The following HERC4 variants were observed in gnomAD, a reference collection of about 807,000 sequenced individuals.
The protein encoded by HERC4 is probable E3 ubiquitin-protein ligase HERC4.
Under a neutral mutation model 124.3 loss-of-function variants are expected in HERC4, and 28 were observed. The observed-to-expected ratio is 0.23, with a 90% CI of 0.17 to 0.31. The LOEUF is 0.31. Among genes scored for constraint, HERC4 ranks in the 10% least tolerant of loss-of-function variants. HERC4 has a pLI of 1.00. For synonymous variants in HERC4, 407 were observed against 421.5 expected (o/e 0.97, Z 0.42); for missense variants, 713 against 1,229.3 (o/e 0.58, Z 6.28).
At chr10:68,069,798 T>TG in intron 3 of HERC4, 1 of 937,386 alleles carries the variant, frequency 1.1e-6, no homozygotes, top group Non-Finnish European at 1.3e-6. Context: ...ATCCCAGCAC[T>TG]CTGGGAGGCC....
chr10:68,001,436 A>C (rs2037225666), intron 9 of HERC4, among the ~76,000 whole-genome samples: 2 of 152,120 alleles, frequency 1.3e-5, no homozygotes, highest in African/African-American at 4.8e-5. Context: ...TTATGATTAA[A>C]ATGTTAATTC....
chr10:67,959,021 C>A, intron 16 of HERC4: 1 of 1,008,934 alleles, frequency 9.9e-7, no homozygotes, highest in Non-Finnish European at 1.5e-6. Flanking sequence ...TTTTTAACCA[C>A]ACCAAAAAAA....
intron 15 of HERC4, among the ~76,000 whole-genome samples, chr10:67,984,505 T>A (rs531815453): frequency 1.8e-4 from 27 of 151,844 alleles, no homozygotes; most frequent in Middle Eastern, 6.8e-3. Flanking sequence ...GGAAGGGTAG[T>A]GGGGAGGCAG....
At position 68,059,576 on chromosome 10, in the gene HERC4, C is replaced by CA. The variant is rs2040778848; in HGVS notation, c.226+13306dup. On this transcript the variant is annotated intron_variant, in intron 3 of 24. Coordinates refer to ENST00000373700, the MANE Select transcript of HERC4 (RefSeq NM_015601.4). The stretch of plus-strand genomic sequence containing the variant: ...TAATATATATCATAATATTATATAT[C>CA]ATATTATATATCATATTATATATCA... Among the ~76,000 whole-genome samples, 2 of 65,834 alleles carry CA rather than the reference C, an allele frequency of 3.0e-5. 1 individual carries two copies. The highest frequency in any genetic ancestry group is 1.6e-3 in the East Asian group (2 of 1,252). The allele number at this position is 65,834 out of a possible 152,430, so 43.2% of individuals were successfully genotyped here.
chr10:68,074,499 C>A (rs2041715439), intron 1 of HERC4, among the ~76,000 whole-genome samples: 1 of 152,170 alleles, frequency 6.6e-6, no homozygotes, highest in Non-Finnish European at 1.5e-5. Context: ...CTTCAGCGCG[C>A]GAGGTTTAAC....
chr10:67,961,971 T>A (rs2034552356), intron 16 of HERC4, among the ~76,000 whole-genome samples: 2 of 152,308 alleles, frequency 1.3e-5, no homozygotes, highest in South Asian at 2.1e-4. Flanking sequence ...CCTTTCAGAT[T>A]ACACTCTGTT....
intron 8 of HERC4, among the ~76,000 whole-genome samples, chr10:68,020,532 C>T (rs1052425552): frequency 2.6e-5 from 4 of 151,830 alleles, no homozygotes; most frequent in African/African-American, 4.8e-5. Context: ...TTTGGGAGGC[C>T]GAGGCGGGCA....
chr10:68,065,833 GACA>G (rs1181550704), intron 3 of HERC4, among the ~76,000 whole-genome samples: 1 of 152,012 alleles, frequency 6.6e-6, no homozygotes, highest in Non-Finnish European at 1.5e-5. Context: ...GTACTCCAGT[GACA>G]ACAAGATCCT....
intron 3 of HERC4, among the ~76,000 whole-genome samples, chr10:68,067,470 G>A (rs1219272873): frequency 1.3e-5 from 2 of 152,182 alleles, no homozygotes; most frequent in African/African-American, 4.8e-5. Context: ...TGGTTTAAAT[G>A]TTCTGGTTCA....
intron 6 of HERC4, among the ~76,000 whole-genome samples, chr10:68,033,315 TTTAA>T (rs1257805144): frequency 1.3e-5 from 2 of 152,218 alleles, no homozygotes; most frequent in Admixed American, 6.5e-5. Flanking sequence ...CAAGGTATTC[TTTAA>T]TTCTTTCTGA....
At chr10:67,958,971 T>C (rs2034320413) in intron 16 of HERC4, 1 of 539,266 alleles carries the variant, frequency 1.9e-6, no homozygotes, top group Non-Finnish European at 3.2e-6. Flanking sequence ...CTACAGACTG[T>C]ATTTTAAAAA....
intron 1 of HERC4, chr10:68,074,178 C>CA (rs1288610339): frequency 6.6e-6 from 1 of 152,184 alleles, no homozygotes; most frequent in African/African-American, 2.4e-5. Context: ...ACACAAATAA[C>CA]AGAGTCCACT....
chr10:68,042,723 C>T (rs2133477014), intron 4 of HERC4, among the ~76,000 whole-genome samples: 1 of 152,234 alleles, frequency 6.6e-6, no homozygotes, highest in Admixed American at 6.5e-5. Context: ...CTCTAAGCCA[C>T]CTAGAAAAAG....
intron 23 of HERC4, among the ~76,000 whole-genome samples, chr10:67,929,965 C>A (rs1031390326): frequency 2.4e-4 from 37 of 152,248 alleles, no homozygotes; most frequent in African/African-American, 8.9e-4. Flanking sequence ...AGGCACCACA[C>A]CCAGCTAATT....
chr10:67,988,353 T>C (rs16925017), intron 15 of HERC4, among the ~76,000 whole-genome samples: 15,710 of 152,044 alleles, frequency 0.1, 901 homozygotes, highest in South Asian at 0.15. Flanking sequence ...AAAAACCATA[T>C]AATGCAAACT....
At chr10:68,067,616 A>T (rs1159828369) in intron 3 of HERC4, 3 of 152,184 alleles carry the variant, frequency 2.0e-5, no homozygotes, top group Non-Finnish European at 4.4e-5. Context: ...CTCGTTTATA[A>T]ATTTGTTTTA....
At chr10:68,035,064 T>C (rs1248530035) in intron 5 of HERC4, among the ~76,000 whole-genome samples, 1 of 152,176 alleles carries the variant, frequency 6.6e-6, no homozygotes, top group Non-Finnish European at 1.5e-5. Context: ...ACTGATTTTT[T>C]TAAGTTGAAA....
chr10:67,991,905 AT>A (rs995295783), intron 11 of HERC4, among the ~76,000 whole-genome samples: 49 of 150,732 alleles, frequency 3.3e-4, no homozygotes, highest in African/African-American at 1.2e-3. Flanking sequence ...ATCCATGGAT[AT>A]TTTTTTTTGG....
chr10:67,988,175 CA>C (rs759777237), intron 15 of HERC4: 1 of 152,076 alleles, frequency 6.6e-6, no homozygotes, highest in South Asian at 2.1e-4. Context: ...GAACAATAGG[CA>C]AATTAATGAA....
Sources: gnomAD v4.1 joint callset for allele counts (sites outside exome capture counted in the v4.1 genomes callset) on GRCh38, gnomAD v4.1.1 for gene constraint, MANE v1.5 for transcripts, NCBI Gene and HGNC (gene_info 2026-07-23, HGNC 2026-07-21) for gene names.